Variants in KDM2A observed in about 807,000 individuals in gnomAD.
KDM2A encodes lysine-specific demethylase 2A.
KDM2A carries 3 observed loss-of-function variants against 137.3 expected under a neutral mutation model. That is an observed-to-expected ratio of 0.02 (90% CI 0.01 to 0.06). The LOEUF is 0.06. Among genes scored for constraint, KDM2A ranks in the 10% least tolerant of loss-of-function variants. KDM2A has a pLI of 1.00. For missense variants in KDM2A, 738 were observed against 1,510.6 expected, an observed-to-expected ratio of 0.49 and a Z score of 8.48; for synonymous variants, 512 against 541.5, an observed-to-expected ratio of 0.95 and a Z score of 0.76.
intron 2 of KDM2A, among the ~76,000 whole-genome samples, chr11:67,126,690 AG>A (rs1855738902): frequency 6.6e-6 from 1 of 150,648 alleles, no homozygotes; most frequent in African/African-American, 2.5e-5. Flanking sequence ...CCTGGGCGAC[AG>A]AGCGAGACTC....
intron 12 of KDM2A, among the ~76,000 whole-genome samples, chr11:67,236,836 G>C (rs1358056344): frequency 6.6e-6 from 1 of 152,198 alleles, no homozygotes; most frequent in East Asian, 1.9e-4. Flanking sequence ...ATGCCTGCCT[G>C]CTCTGTGTCA....
intron 2 of KDM2A, among the ~76,000 whole-genome samples, chr11:67,155,937 TA>T (rs770113717): frequency 0.097 from 10,138 of 104,232 alleles, 578 homozygotes; most frequent in African/African-American, 0.21. Context: ...TTTAAACGGC[TA>T]AAAAAAAAAA....
At position 67,245,065 on chromosome 11, in the gene KDM2A, A is replaced by G; in HGVS notation, c.1564-124A>G. ...GTCAATAAAATTTATTCTAGAAACAAGCAGTGGGCAGATCTGGCCATAGTG... is the reference window on the plus strand; with the variant it reads ...GTCAATAAAATTTATTCTAGAAACAGGCAGTGGGCAGATCTGGCCATAGTG... On this transcript the variant is annotated intron_variant, in intron 13 of 20. Transcript: ENST00000529006. This position sits in a 1 kb window ranked among gnomAD's most constrained non-coding sequence, Gnocchi z 4.1. 5 of 956,948 alleles carry G rather than the reference A, an allele frequency of 5.2e-6. No individual in the cohort carries two copies. The highest frequency in any genetic ancestry group is 1.6e-5 in the South Asian group (1 of 63,142). The allele number at this position is 956,948 out of a possible 1,614,324, so 59.3% of individuals were successfully genotyped here.
chr11:67,161,345 G>T (rs948058992), intron 2 of KDM2A, among the ~76,000 whole-genome samples: 2 of 152,166 alleles, frequency 1.3e-5, no homozygotes, highest in South Asian at 2.1e-4. Flanking sequence ...CTTCACTTTG[G>T]AGAGTATCTA....
chr11:67,246,203 G>T, intron 15 of KDM2A, 87 bp downstream of exon 15: 1 of 1,429,594 alleles, frequency 7.0e-7, no homozygotes, highest in Non-Finnish European at 9.7e-7. Context: ...GGGAGTGCCA[G>T]CATCCCTACT....
Position 67,134,656 on chromosome 11 carries a change from C to T in KDM2A, c.42+13298C>T, listed in dbSNP as rs541257593. On this transcript the variant is annotated intron_variant, in intron 2 of 20. Coordinates refer to ENST00000529006, the MANE Select transcript of KDM2A (RefSeq NM_012308.3). The stretch of plus-strand genomic sequence containing the variant: ...AGTAGCTGGGATTACAGGTATGCGT[C>T]GCCACGCCCAGCTAATTTTTATATT... Among the ~76,000 whole-genome samples the T allele has an allele frequency of 4.6e-5, 7 of 151,990 alleles. No individual in the cohort carries two copies. In the East Asian group the frequency reaches 5.8e-4, roughly 13 times the overall value.
chr11:67,250,193 C>T lies in KDM2A; in HGVS notation c.2163C>T (p.Ser721=), dbSNP rs781144216. Residue 721 remains serine (S), a synonymous_variant, in exon 17 of 21, where the codon TCC becomes TCT. Coordinates refer to ENST00000529006, the MANE Select transcript of KDM2A (RefSeq NM_012308.3). The surrounding 1 kb of genome is among the most constrained non-coding windows in gnomAD (Gnocchi z 7.1). ...PLTPPPHSPT[S]MLQLIHDPVS... ...CGCCCCCGCCTCATTCACCCACTTC[C>T]ATGCTGCAGCTCATCCATGACCCGG... The T allele has an allele frequency of 6.2e-6, 10 of 1,613,830 alleles. No homozygotes were observed. Among genetic ancestry groups the T allele is most frequent in the Admixed American group, 3.3e-5 (2 of 60,002 alleles).
intron 2 of KDM2A, among the ~76,000 whole-genome samples, chr11:67,170,475 C>T (rs961889504): frequency 2.1e-5 from 3 of 140,684 alleles, no homozygotes; most frequent in African/African-American, 8.2e-5. Context: ...TGCAGTGGCG[C>T]GATCTCAGCT....
intron 10 of KDM2A, among the ~76,000 whole-genome samples, chr11:67,224,035 T>C (rs1282478991): frequency 2.6e-5 from 4 of 152,226 alleles, no homozygotes; most frequent in Non-Finnish European, 5.9e-5. Context: ...AGAAAACTGA[T>C]TGGGGCTAAC....
chr11:67,239,300 T>C (rs1234961468), intron 12 of KDM2A, among the ~76,000 whole-genome samples: 2 of 152,200 alleles, frequency 1.3e-5, no homozygotes, highest in African/African-American at 4.8e-5. Flanking sequence ...TTTGACTTGG[T>C]CACGGTGGAA....
In KDM2A at chr11:67,217,863, T is replaced by C; in HGVS notation, c.820T>C (p.Tyr274His). ...TCAGCGCATTGAGCTCAAGCAGGGCTATACCTTCGTCATTCCCTCAGGTAA... is the reference window on the plus strand; with the variant it reads ...TCAGCGCATTGAGCTCAAGCAGGGCCATACCTTCGTCATTCCCTCAGGTAA... The part of the protein sequence containing the change: ...DCQRIELKQG[Y>H]TFVIPSGWIH... The change falls in exon 9 of 21, where the codon TAT (tyrosine) becomes CAT (histidine). Residue 274 changes from tyrosine (Y) to histidine (H), a missense_variant. Physicochemically the swap from Tyr to His is moderately conservative, Grantham distance 83 (BLOSUM62 2). Transcript: ENST00000529006. 1 of 1,611,032 alleles carries C rather than the reference T, an allele frequency of 6.2e-7. No individual in the cohort carries two copies. The highest frequency in any genetic ancestry group is 8.5e-7 in the Non-Finnish European group (1 of 1,178,418).
chr11:67,132,440 C>A (rs373397338), intron 2 of KDM2A, among the ~76,000 whole-genome samples: 1 of 152,114 alleles, frequency 6.6e-6, no homozygotes, highest in Admixed American at 6.6e-5. Flanking sequence ...CGTGCCACCA[C>A]GCCCGGCTAA....
intron 5 of KDM2A, among the ~76,000 whole-genome samples, chr11:67,191,411 C>A (rs964107505): frequency 6.6e-6 from 1 of 152,086 alleles, no homozygotes; most frequent in South Asian, 2.1e-4. Flanking sequence ...AACTACAAAT[C>A]AATATCCTTT....
At chr11:67,163,605 G>A (rs1856681928) in intron 2 of KDM2A, among the ~76,000 whole-genome samples, 1 of 152,118 alleles carries the variant, frequency 6.6e-6, no homozygotes, top group African/African-American at 2.4e-5. Context: ...TGTAATTCCA[G>A]CACTTTGGGA....
At position 67,254,905 on chromosome 11, in the gene KDM2A, C is replaced by A; in HGVS notation, c.3339C>A (p.Ile1113=). The A allele has an allele frequency of 6.2e-7, 1 of 1,614,038 alleles. No individual in the cohort carries two copies. Among genetic ancestry groups the A allele is most frequent in the Non-Finnish European group, 8.5e-7 (1 of 1,179,898 alleles). The change falls in exon 21 of 21, where the codon ATC becomes ATA. Residue 1113 remains isoleucine, a synonymous_variant. Coordinates refer to ENST00000529006, the MANE Select transcript of KDM2A (RefSeq NM_012308.3). This position sits in a 1 kb window ranked among gnomAD's most constrained non-coding sequence, Gnocchi z 4.7. ...ATAAATTGACAGACCAGACCCTGAT[C>A]TACCTACGGCGCATTGCCAACGTCA... ...GCNKLTDQTL[I]YLRRIANVTL...
Position 67,245,054 on chromosome 11 carries a change from T to A in KDM2A, c.1564-135T>A, listed in dbSNP as rs1859163881. On this transcript the variant is annotated intron_variant, in intron 13 of 20. Coordinates refer to ENST00000529006, the MANE Select transcript of KDM2A (RefSeq NM_012308.3). This position sits in a 1 kb window ranked among gnomAD's most constrained non-coding sequence, Gnocchi z 4.1. The stretch of plus-strand genomic sequence containing the variant: ...ATGAGTTGTGTGTCAATAAAATTTA[T>A]TCTAGAAACAAGCAGTGGGCAGATC... 3 of 905,258 alleles carry A rather than the reference T, an allele frequency of 3.3e-6. No homozygotes were observed. The East Asian group carries it at 7.3e-5, about 22-fold the overall frequency. 56.1% of individuals were successfully genotyped at this position (905,258 alleles called of 1,614,324 possible).
rs12285582 is a variant in KDM2A, at chr11:67,246,189, T to C, written c.1965+73T>C. The C allele has an allele frequency of 0.017, 25,478 of 1,531,512 alleles. 3,625 individuals are homozygous for C. The African/African-American group carries it at 0.31, about 18-fold the overall frequency. 94.9% of individuals were successfully genotyped at this position (1,531,512 alleles called of 1,614,324 possible). On this transcript the variant is annotated intron_variant, in intron 15 of 20. Coordinates refer to ENST00000529006, the MANE Select transcript of KDM2A (RefSeq NM_012308.3). The stretch of plus-strand genomic sequence containing the variant: ...GTGACACAACAGAATGGGACACTTG[T>C]GATGGGAGTGCCAGCATCCCTACTG...
At chr11:67,165,932 T>A (rs1462293950) in intron 2 of KDM2A, among the ~76,000 whole-genome samples, 1 of 152,132 alleles carries the variant, frequency 6.6e-6, no homozygotes, top group Non-Finnish European at 1.5e-5. Flanking sequence ...CTTTCATTAA[T>A]CCTTATATTC....
intron 2 of KDM2A, among the ~76,000 whole-genome samples, chr11:67,134,022 C>T (rs1323102037): frequency 2.0e-5 from 3 of 152,188 alleles, no homozygotes; most frequent in African/African-American, 7.2e-5. Flanking sequence ...GAAAACTGAC[C>T]TGTCCTTGTT....
Sources: allele counts gnomAD v4.1 joint callset (sites outside exome capture counted in the v4.1 genomes callset), GRCh38; gene constraint gnomAD v4.1.1; non-coding constraint Gnocchi (gnomAD v3.1); transcripts MANE v1.5; gene names NCBI Gene and HGNC (gene_info 2026-07-23, HGNC 2026-07-21).